Variants in ADAMTS17 observed in about 807,000 individuals in gnomAD.
ADAMTS17 encodes ADAM metallopeptidase with thrombospondin type 1 motif 17.
In ADAMTS17, 113 loss-of-function variants were observed where a neutral mutation model predicts 141.5. That is an observed-to-expected ratio of 0.80 (90% CI 0.69 to 0.93). The LOEUF (loss-of-function observed/expected upper bound fraction) is 0.93. ADAMTS17 is among the 40% of genes least tolerant of loss of function. ADAMTS17 has a pLI of 0.00. For synonymous variants in ADAMTS17, 768 were observed against 630.6 expected (o/e 1.22, Z -3.27); for missense variants, 1,659 against 1,517.9 (o/e 1.09, Z -1.54).
chr15:100,094,170 C>T (rs544887161), intron 15 of ADAMTS17, among the ~76,000 whole-genome samples: 6 of 152,328 alleles, frequency 3.9e-5, no homozygotes, highest in South Asian at 4.1e-4. Flanking sequence ...GTAGGTGAAG[C>T]GAACGTGTGC....
intron 10 of ADAMTS17, among the ~76,000 whole-genome samples, chr15:100,138,004 A>G (rs1237155036): frequency 6.6e-6 from 1 of 152,040 alleles, no homozygotes; most frequent in Non-Finnish European, 1.5e-5. Context: ...TGTGGTTAAC[A>G]TTTTACCTTT....
chr15:100,030,395 G>A (rs957338400), intron 18 of ADAMTS17, among the ~76,000 whole-genome samples: 1 of 152,190 alleles, frequency 6.6e-6, no homozygotes, highest in Non-Finnish European at 1.5e-5. Context: ...ATACAGGTTA[G>A]CAGACAGAAG....
chr15:100,186,882 T>C (rs2141566168), intron 8 of ADAMTS17, among the ~76,000 whole-genome samples: 1 of 152,352 alleles, frequency 6.6e-6, no homozygotes, highest in South Asian at 2.1e-4. Flanking sequence ...TAAGCAATAT[T>C]AATATCGTAA....
At chr15:100,213,654 G>C (rs1175136001) in intron 7 of ADAMTS17, among the ~76,000 whole-genome samples, 2 of 152,234 alleles carry the variant, frequency 1.3e-5, no homozygotes, top group Admixed American at 1.3e-4. Context: ...TCCAAGACCT[G>C]AGACGCAAAG....
chr15:99,994,324 T>A (rs1398853421), intron 19 of ADAMTS17, among the ~76,000 whole-genome samples: 1 of 152,134 alleles, frequency 6.6e-6, no homozygotes, highest in Non-Finnish European at 1.5e-5. Flanking sequence ...AACTCAACTT[T>A]AAAAAGTTCT....
chr15:100,324,968 T>G (rs1257492626), intron 3 of ADAMTS17, among the ~76,000 whole-genome samples: 2 of 152,222 alleles, frequency 1.3e-5, no homozygotes, highest in African/African-American at 4.8e-5. Flanking sequence ...CAAATTGTTA[T>G]CAAGAGTGTA....
chr15:100,115,304 G>A (rs1204737543), intron 13 of ADAMTS17, among the ~76,000 whole-genome samples: 4 of 152,194 alleles, frequency 2.6e-5, no homozygotes, highest in African/African-American at 4.8e-5. Context: ...GGCTCCAGCC[G>A]CACACGTTCC....
At position 100,339,311 on chromosome 15, in the gene ADAMTS17, A is replaced by G. The variant is rs2046295676; in HGVS notation, c.450+1728T>C. Among the ~76,000 whole-genome samples the G allele has an allele frequency of 2.6e-5, 4 of 152,214 alleles. No homozygotes were observed. In the South Asian group the frequency reaches 8.3e-4, roughly 31 times the overall value. On this transcript the variant is annotated intron_variant, in intron 2 of 21. Coordinates refer to ENST00000268070, the MANE Select transcript of ADAMTS17 (RefSeq NM_139057.4). ...TTTCCACCTCGGCGCCTTCACAGAT[A>G]GCTCCTTGCTGGAAACTTTACACCA...
intron 9 of ADAMTS17, 25 bp downstream of exon 9, chr15:100,155,155 C>G: frequency 6.2e-7 from 1 of 1,614,184 alleles, no homozygotes; most frequent in South Asian, 1.1e-5. Context: ...TTGCATTCAT[C>G]CTATAGAATA....
rs535909117 is a variant in ADAMTS17 at position 100,301,528 on chromosome 15, G to A, written c.617-20127C>T. Among the ~76,000 whole-genome samples, 82 of 148,684 alleles carry A rather than the reference G, an allele frequency of 5.5e-4. 1 individual carries two copies. The highest frequency in any genetic ancestry group is 7.0e-3 in the Middle Eastern group (2 of 286). Reference sequence around the variant, plus strand: ...TTTTTTTTGTATATTTAGTAGAGACGGGGTTTCACTGTGTTAGCCAGGATG... The same window carrying A: ...TTTTTTTTGTATATTTAGTAGAGACAGGGTTTCACTGTGTTAGCCAGGATG... On this transcript the variant is annotated intron_variant, in intron 3 of 21. Transcript: ENST00000268070.
chr15:99,979,697 A>T (rs957649334), intron 20 of ADAMTS17: 3 of 152,216 alleles, frequency 2.0e-5, no homozygotes, highest in African/African-American at 7.2e-5. Flanking sequence ...CCAACACTAC[A>T]ATCACCAGGT....
At chr15:100,048,042 G>A (rs1195849028) in intron 18 of ADAMTS17, among the ~76,000 whole-genome samples, 5 of 152,010 alleles carry the variant, frequency 3.3e-5, no homozygotes, top group African/African-American at 7.3e-5. Context: ...AAAGGGGGTC[G>A]GTGCAAAAGC....
intron 18 of ADAMTS17, among the ~76,000 whole-genome samples, chr15:100,028,875 G>A (rs559605707): frequency 6.6e-6 from 1 of 152,324 alleles, no homozygotes; most frequent in East Asian, 1.9e-4. Context: ...CCTGCACTTT[G>A]CCTTTTGTCA....
At chr15:100,036,574 C>T (rs1391356435) in intron 18 of ADAMTS17, among the ~76,000 whole-genome samples, 1 of 152,226 alleles carries the variant, frequency 6.6e-6, no homozygotes, top group Non-Finnish European at 1.5e-5. Context: ...CGTAAGTGCG[C>T]ACTTTTTTGT....
intron 18 of ADAMTS17, 137 bp downstream of exon 18, chr15:100,048,720 G>T: frequency 1.5e-6 from 2 of 1,354,288 alleles, no homozygotes; most frequent in Non-Finnish European, 2.0e-6. Context: ...ATTTGAGCAA[G>T]CGGAAATCTC....
chr15:100,248,768 C>T (rs990813049), intron 7 of ADAMTS17, among the ~76,000 whole-genome samples: 1 of 151,862 alleles, frequency 6.6e-6, no homozygotes, highest in African/African-American at 2.4e-5. Context: ...ATATCGGTGC[C>T]AGGAGGGAAG....
chr15:100,134,163 C>T (rs1323295737), intron 10 of ADAMTS17, among the ~76,000 whole-genome samples: 1 of 152,188 alleles, frequency 6.6e-6, no homozygotes, highest in African/African-American at 2.4e-5. Context: ...TCCCCACCCG[C>T]CCAGGGGACA....
chr15:100,109,019 C>T lies in ADAMTS17; in HGVS notation c.1986G>A (p.Glu662=). The part of the protein sequence containing the change: ...VLDGTPCGPY[E]TDLCVHGKCQ... Reference sequence around the variant, plus strand: ...ACTTGCCGTGCACGCAGAGATCAGTCTCGTAGGGCCCGCAGGGTGTACCGT... The same window carrying T: ...ACTTGCCGTGCACGCAGAGATCAGTTTCGTAGGGCCCGCAGGGTGTACCGT... Residue 662 remains glutamate, a synonymous_variant, in exon 14 of 22, where the codon GAG becomes GAA. Transcript: ENST00000268070. 6.2e-7 allele frequency: 1 copy of T among 1,614,128 alleles called. No individual in the cohort carries two copies. The highest frequency in any genetic ancestry group is 8.5e-7 in the Non-Finnish European group (1 of 1,180,036).
At chr15:100,160,781 C>T (rs1047165796) in intron 8 of ADAMTS17, among the ~76,000 whole-genome samples, 10 of 152,170 alleles carry the variant, frequency 6.6e-5, no homozygotes, top group Admixed American at 1.3e-4. Context: ...ATATAGATCA[C>T]GCTTGATCTC....
Sources: gnomAD v4.1 joint callset for allele counts (sites outside exome capture counted in the v4.1 genomes callset) on GRCh38, gnomAD v4.1.1 for gene constraint, MANE v1.5 for transcripts, NCBI Gene and HGNC (gene_info 2026-07-23, HGNC 2026-07-21) for gene names.